PLXNA4: variants seen among roughly 807,000 people sequenced by gnomAD.
PLXNA4 encodes plexin-A4.
PLXNA4 carries 44 observed loss-of-function variants against 191.8 expected under a neutral mutation model. The observed-to-expected ratio is 0.23, with a 90% CI of 0.18 to 0.29. The LOEUF (loss-of-function observed/expected upper bound fraction) is 0.29, where lower values mean the gene tolerates loss of function less well. Ranked by LOEUF, PLXNA4 falls within the 10% of genes least tolerant of loss-of-function variation. PLXNA4 has a pLI of 1.00. For synonymous variants in PLXNA4, 1,082 were observed against 1,009.5 expected (o/e 1.07, Z -1.36); for missense variants, 1,800 against 2,488.8 (o/e 0.72, Z 5.89).
intron 5 of PLXNA4, among the ~76,000 whole-genome samples, chr7:132,236,110 G>A (rs1798691677): frequency 6.6e-6 from 1 of 152,162 alleles, no homozygotes; most frequent in South Asian, 2.1e-4. Context: ...GCAGGAGAGA[G>A]GATTTAAATT....
rs1354655909 is a variant in PLXNA4, at chr7:132,485,904, A to G, written c.1371+3388T>C. On this transcript the variant is annotated intron_variant, in intron 3 of 31. Transcript: ENST00000321063. ...AGTGAAATTACGGTCGTCAAAGACA[A>G]GGTTGCAAATGATTGGGACTCATGC... Among the ~76,000 whole-genome samples the G allele has an allele frequency of 2.0e-5, 3 of 152,194 alleles. No homozygotes were observed. The East Asian group carries it at 5.8e-4, about 29-fold the overall frequency.
intron 3 of PLXNA4, among the ~76,000 whole-genome samples, chr7:132,477,702 C>T (rs757760248): frequency 6.6e-6 from 1 of 152,124 alleles, no homozygotes; most frequent in Non-Finnish European, 1.5e-5. Flanking sequence ...ACTGTGGGGG[C>T]ACCTTCAGTT....
intron 24 of PLXNA4, among the ~76,000 whole-genome samples, chr7:132,160,050 C>T (rs1332161970): frequency 2.0e-5 from 3 of 152,196 alleles, no homozygotes; most frequent in Non-Finnish European, 4.4e-5. Context: ...CCCAGACCCT[C>T]GCCCACTTCT....
rs1794843600 is a variant in PLXNA4, at chr7:132,128,581, CT to C, written c.*1897del. ...ATCCTCCTACAAAGGACAAGAAATC[CT>C]TTTGAGCTTTCCGCCTACACCTGGG... On this transcript the variant is annotated 3_prime_UTR_variant, in exon 32 of 32. Transcript: ENST00000321063. 1.3e-5 allele frequency: 2 copies of C among 152,226 alleles called. No homozygotes were observed. The highest frequency in any genetic ancestry group is 2.9e-5 in the Non-Finnish European group (2 of 68,054). The allele number at this position is 152,226 out of a possible 1,614,324, so 9.4% of individuals were successfully genotyped here. A position where few individuals can be genotyped will look rare whatever the true frequency, so the allele number is the denominator to read the frequency against.
intron 3 of PLXNA4, among the ~76,000 whole-genome samples, chr7:132,333,136 G>A (rs1208111792): frequency 6.6e-6 from 1 of 152,172 alleles, no homozygotes; most frequent in Admixed American, 6.5e-5. Context: ...CTGATGCTGT[G>A]GTCGGAAACT....
At chr7:132,592,183 A>G (rs1385729030) in intron 2 of PLXNA4, among the ~76,000 whole-genome samples, 1 of 152,132 alleles carries the variant, frequency 6.6e-6, no homozygotes, top group Non-Finnish European at 1.5e-5. Context: ...GCATGGACAA[A>G]TGAGAATTGC....
chr7:132,243,117 G>A (rs1798935623), intron 4 of PLXNA4, among the ~76,000 whole-genome samples: 1 of 152,082 alleles, frequency 6.6e-6, no homozygotes, highest in African/African-American at 2.4e-5. Flanking sequence ...ATTAAAAATA[G>A]GAAATATGTT....
At chr7:132,296,538 G>A (rs1801088333) in intron 4 of PLXNA4, among the ~76,000 whole-genome samples, 1 of 151,634 alleles carries the variant, frequency 6.6e-6, no homozygotes, top group African/African-American at 2.4e-5. Flanking sequence ...CTCCCGAGCA[G>A]CTGGGATTAT....
chr7:132,288,138 C>G (rs1800752114), intron 4 of PLXNA4, among the ~76,000 whole-genome samples: 1 of 152,168 alleles, frequency 6.6e-6, no homozygotes, highest in Non-Finnish European at 1.5e-5. Flanking sequence ...AGCTCCTCCC[C>G]CAAACTGCTG....
chr7:132,483,590 G>A (rs547268422), intron 3 of PLXNA4, among the ~76,000 whole-genome samples: 2 of 152,136 alleles, frequency 1.3e-5, no homozygotes, highest in East Asian at 1.9e-4. Flanking sequence ...GACTGAATGC[G>A]CTCTATGATT....
At chr7:132,348,111 C>T (rs565275062) in intron 3 of PLXNA4, among the ~76,000 whole-genome samples, 1 of 152,276 alleles carries the variant, frequency 6.6e-6, no homozygotes, top group East Asian at 1.9e-4. Context: ...TCCCTACCCG[C>T]CCATTACTCA....
At chr7:132,458,456 C>T (rs146694581) in intron 3 of PLXNA4, among the ~76,000 whole-genome samples, 56 of 151,720 alleles carry the variant, frequency 3.7e-4, no homozygotes, top group Middle Eastern at 6.8e-3. Flanking sequence ...GTTGGTGTAC[C>T]CACACAACGG....
intron 1 of PLXNA4, among the ~76,000 whole-genome samples, chr7:132,542,598 A>AT (rs142344680): frequency 6.6e-6 from 1 of 151,656 alleles, no homozygotes; most frequent in Non-Finnish European, 1.5e-5. Flanking sequence ...ATACTTCTTC[A>AT]TTTTTTTTCT....
At chr7:132,537,034 A>T (rs1168361271) in intron 1 of PLXNA4, among the ~76,000 whole-genome samples, 1 of 152,228 alleles carries the variant, frequency 6.6e-6, no homozygotes, top group Non-Finnish European at 1.5e-5. Flanking sequence ...AAGTCCGGGA[A>T]GCCTTGAAGC....
chr7:132,295,482 T>A (rs1299073814), intron 4 of PLXNA4, among the ~76,000 whole-genome samples: 1 of 152,180 alleles, frequency 6.6e-6, no homozygotes, highest in African/African-American at 2.4e-5. Context: ...GTGCAACGTG[T>A]TCTGACCCAT....
intron 3 of PLXNA4, among the ~76,000 whole-genome samples, chr7:132,419,674 T>A (rs966733972): frequency 6.6e-6 from 1 of 152,220 alleles, no homozygotes; most frequent in African/African-American, 2.4e-5. Context: ...GACCCACAGT[T>A]TGAAAAAATA....
intron 3 of PLXNA4, among the ~76,000 whole-genome samples, chr7:132,427,027 G>A (rs1278042675): frequency 1.3e-5 from 2 of 152,152 alleles, no homozygotes; most frequent in Admixed American, 1.3e-4. Context: ...TGGGGCCCAG[G>A]AGGGGATTCT....
intron 3 of PLXNA4, among the ~76,000 whole-genome samples, chr7:132,345,122 A>T (rs780105913): frequency 8.5e-5 from 13 of 152,202 alleles, no homozygotes; most frequent in Non-Finnish European, 1.3e-4. Flanking sequence ...GAAAGTAGGA[A>T]ATCCATTGAT....
chr7:132,244,387 A>G (rs984539265), intron 4 of PLXNA4, among the ~76,000 whole-genome samples: 3 of 152,180 alleles, frequency 2.0e-5, no homozygotes, highest in Non-Finnish European at 4.4e-5. Flanking sequence ...TCTTGAAGAC[A>G]ATCATCTGGG....
Sources: gnomAD v4.1 joint callset for allele counts (sites outside exome capture counted in the v4.1 genomes callset) on GRCh38, gnomAD v4.1.1 for gene constraint, MANE v1.5 for transcripts, NCBI Gene and HGNC (gene_info 2026-07-23, HGNC 2026-07-21) for gene names.